ZDHHC23: variants seen among roughly 807,000 people sequenced by gnomAD.
ZDHHC23 encodes the protein palmitoyltransferase ZDHHC23.
ZDHHC23 carries 41 observed loss-of-function variants against 40.2 expected under a neutral mutation model. The ratio of observed to expected loss-of-function variants is 1.02; its 90% confidence interval spans 0.79 to 1.32. The LOEUF (loss-of-function observed/expected upper bound fraction) is 1.32, where lower values mean the gene tolerates loss of function less well. Ranked by LOEUF, ZDHHC23 falls within the 40% of genes most tolerant of loss-of-function variation. ZDHHC23 has a pLI of 0.00. For missense variants in ZDHHC23, 471 were observed against 541.5 expected (o/e 0.87, Z 1.29); for synonymous variants, 204 against 210.2 (o/e 0.97, Z 0.26).
At chr3:113,979,470 CA>C in the ZDHHC23 span, among the ~76,000 whole-genome samples, 2 of 152,206 alleles carry the variant, frequency 1.3e-5, no homozygotes. Flanking sequence ...GAAATTTAGA[CA>C]TTATCAATAA....
At position 113,963,262 on chromosome 3, in the gene ZDHHC23, C is replaced by T. The variant is rs1284554572; in HGVS notation, c.*4632C>T. 2 of 152,080 alleles carry T rather than the reference C, an allele frequency of 1.3e-5. No homozygotes were observed. The highest frequency in any genetic ancestry group is 4.8e-5 in the African/African-American group (2 of 41,396). The allele number at this position is 152,080 out of a possible 1,614,324, so 9.4% of individuals were successfully genotyped here. ...TTCCATTGTATCTCTTTAGAAGGCT[C>T]TGTATTCGGTAAAAAGTCTAGCTGG... On this transcript the variant is annotated 3_prime_UTR_variant, in exon 5 of 5. Transcript: ENST00000638807.
chr3:113,960,448 A>G lies in ZDHHC23; in HGVS notation c.*1818A>G. On this transcript the variant is annotated 3_prime_UTR_variant, in exon 5 of 5. Transcript: ENST00000638807. ...ATTTCTTTCTATACAGGTTTTACAT[A>G]AGAGAGACAGTAATAATGTCAAGGA... 3 of 1,356,724 alleles carry G rather than the reference A, an allele frequency of 2.2e-6. No homozygotes were observed. Among genetic ancestry groups the G allele is most frequent in the Non-Finnish European group, 2.8e-6 (3 of 1,060,728 alleles). The allele number at this position is 1,356,724 out of a possible 1,614,324, so 84.0% of individuals were successfully genotyped here. A position where few individuals can be genotyped will look rare whatever the true frequency, so the allele number is the denominator to read the frequency against.
chr3:113,963,301 T>C lies in ZDHHC23; in HGVS notation c.*4671T>C, dbSNP rs1023744572. On this transcript the variant is annotated 3_prime_UTR_variant, in exon 5 of 5. Coordinates refer to ENST00000638807, the MANE Select transcript of ZDHHC23 (RefSeq NM_001320466.2). ...AAGTCTAGCTGGCGCCATTGGAATA[T>C]GGGCTGCTAAAGACTCAATTTCTAG... 1.3e-5 allele frequency: 2 copies of C among 152,134 alleles called. No homozygotes were observed. Among genetic ancestry groups the C allele is most frequent in the Admixed American group, 1.3e-4 (2 of 15,266 alleles). The allele number at this position is 152,134 out of a possible 1,614,324, so 9.4% of individuals were successfully genotyped here.
At chr3:113,952,973 G>A (rs1938823891) in intron 2 of ZDHHC23, among the ~76,000 whole-genome samples, 1 of 152,138 alleles carries the variant, frequency 6.6e-6, no homozygotes, top group African/African-American at 2.4e-5. Context: ...GAATTTTGGG[G>A]GCATAAACAT....
intron 4 of ZDHHC23, among the ~76,000 whole-genome samples, chr3:113,957,043 G>A (rs1939294177): frequency 6.6e-6 from 1 of 152,024 alleles, no homozygotes; most frequent in Admixed American, 6.5e-5. Context: ...AATCACCACT[G>A]ATGATTACTG....
downstream of ZDHHC23, chr3:113,965,268 G>A (rs369421288): frequency 1.6e-5 from 26 of 1,611,328 alleles, no homozygotes; most frequent in East Asian, 4.5e-5. Context: ...ACCTTCCTAC[G>A]AAGTTGCTGT....
intron 3 of ZDHHC23, among the ~76,000 whole-genome samples, chr3:113,955,653 A>G (rs1379903610): frequency 6.6e-6 from 1 of 152,080 alleles, no homozygotes; most frequent in Non-Finnish European, 1.5e-5. Flanking sequence ...TTCCCATACT[A>G]TGTAATACTT....
In ZDHHC23 at chr3:113,960,735, C is replaced by A. The variant is rs1279439211; in HGVS notation, c.*2105C>A. On this transcript the variant is annotated 3_prime_UTR_variant, in exon 5 of 5. Coordinates refer to ENST00000638807, the MANE Select transcript of ZDHHC23 (RefSeq NM_001320466.2). ...CCTCTAATAGGGTTACTTGGATGAG[C>A]CAACTCCGCTTCCTTCCCATGGATA... The A allele has an allele frequency of 6.3e-7, 1 of 1,577,354 alleles. No homozygotes were observed.
At chr3:113,978,406 A>T in the ZDHHC23 span, 1 of 1,434,148 alleles carries the variant, frequency 7.0e-7, no homozygotes, top group Non-Finnish European at 9.6e-7. Context: ...TAAACAGCAC[A>T]AAAGACAGAA....
In ZDHHC23 at chr3:113,954,403, T is replaced by C. The variant is rs1169451741; in HGVS notation, c.865T>C (p.Cys289Arg). The change falls in exon 3 of 5, where the codon TGT (cysteine) becomes CGT (arginine). Residue 289 changes from cysteine to arginine, a missense_variant. This residue lies in a region of ZDHHC23 where 346 missense variants were observed against 399.8 expected (regional missense o/e 0.87). Transcript: ENST00000638807. ...CTGTGTGAGGAGAATGGATCATCAT[T>C]GTGTCTGGTATGTTGGAAACATTTG... ...GICVRRMDHH[C>R]VWINSCVGES... The C allele has an allele frequency of 6.3e-7, 1 of 1,587,976 alleles. No individual in the cohort carries two copies. Among genetic ancestry groups the C allele is most frequent in the Non-Finnish European group, 8.6e-7 (1 of 1,166,572 alleles).
intron 3 of ZDHHC23, 96 bp downstream of exon 3, chr3:113,954,506 C>T: frequency 8.5e-7 from 1 of 1,171,248 alleles, no homozygotes; most frequent in African/African-American, 1.5e-5. Flanking sequence ...AATTTCTCTC[C>T]TTCCCAGCTT....
Position 113,953,857 on chromosome 3 carries a change from T to A in ZDHHC23, c.319T>A (p.Ser107Thr), listed in dbSNP as rs1225003530. The A allele has an allele frequency of 6.2e-7, 1 of 1,614,074 alleles. No individual in the cohort carries two copies. The highest frequency in any genetic ancestry group is 8.5e-7 in the Non-Finnish European group (1 of 1,180,046). The change falls in exon 3 of 5, where the codon TCC becomes ACC. Residue 107 changes from serine to threonine, a missense_variant. Coordinates refer to ENST00000638807, the MANE Select transcript of ZDHHC23 (RefSeq NM_001320466.2). ...VLLPVFLHVA[S>T]WHFLLGVVVL... ...GCTGCCTGTCTTCCTTCATGTGGCT[T>A]CCTGGCATTTCCTCCTGGGGGTGGT... is the stretch of plus-strand genomic sequence containing the variant.
intron 2 of ZDHHC23, among the ~76,000 whole-genome samples, chr3:113,953,283 G>A (rs1260132090): frequency 6.6e-6 from 1 of 152,200 alleles, no homozygotes; most frequent in Non-Finnish European, 1.5e-5. Context: ...AAGTATTGAT[G>A]CTAGTCTGAG....
At chr3:113,975,948 A>G in the ZDHHC23 span, among the ~76,000 whole-genome samples, 3 of 152,192 alleles carry the variant, frequency 2.0e-5, no homozygotes, top group African/African-American at 7.2e-5. Context: ...TAGGATGACT[A>G]TCTTACTATT....
the ZDHHC23 span, among the ~76,000 whole-genome samples, chr3:113,974,390 G>C: frequency 6.6e-6 from 1 of 151,466 alleles, no homozygotes; most frequent in Non-Finnish European, 1.5e-5. Flanking sequence ...CATGATCTCA[G>C]CTCACTGCAA....
At chr3:113,974,501 G>C in the ZDHHC23 span, among the ~76,000 whole-genome samples, 16 of 151,996 alleles carry the variant, frequency 1.1e-4, no homozygotes, top group Admixed American at 1.0e-3. Flanking sequence ...TGTATTTTTA[G>C]TAGAGAGGGG....
At chr3:113,949,155 C>T (rs558920328) in intron 2 of ZDHHC23, among the ~76,000 whole-genome samples, 192 bp downstream of exon 2, 1 of 152,292 alleles carries the variant, frequency 6.6e-6, no homozygotes, top group South Asian at 2.1e-4. Context: ...GCACAGCTGT[C>T]TGTCTGCTCT....
chr3:113,960,793 G>A lies in ZDHHC23; in HGVS notation c.*2163G>A, dbSNP rs1383782587. 4 of 1,501,532 alleles carry A rather than the reference G, an allele frequency of 2.7e-6. No homozygotes were observed. The highest frequency in any genetic ancestry group is 2.6e-6 in the Non-Finnish European group (3 of 1,133,714). 93.0% of individuals were successfully genotyped at this position (1,501,532 alleles called of 1,614,324 possible). On this transcript the variant is annotated 3_prime_UTR_variant, in exon 5 of 5. Transcript: ENST00000638807. ...ACTCTGTGTATTATTCAGGTTTATT[G>A]GCACGAAGATACTTGTTTTAAGTTC...
downstream of ZDHHC23, among the ~76,000 whole-genome samples, chr3:113,970,049 A>G (rs1425868644): frequency 6.6e-6 from 1 of 152,134 alleles, no homozygotes; most frequent in African/African-American, 2.4e-5. Context: ...AGTTCTCAGT[A>G]TATAGATCTT....
Sources: allele counts gnomAD v4.1 joint callset (sites outside exome capture counted in the v4.1 genomes callset), GRCh38; gene constraint gnomAD v4.1.1; regional missense constraint gnomAD v4.1.1; transcripts MANE v1.5; gene names NCBI Gene and HGNC (gene_info 2026-07-23, HGNC 2026-07-21).